RCOR1: variants seen among roughly 807,000 people sequenced by gnomAD.
The protein encoded by RCOR1 is REST corepressor.
Under a neutral mutation model 64.0 loss-of-function variants are expected in RCOR1, and 12 were observed. The observed-to-expected ratio is 0.19, with a 90% CI of 0.12 to 0.30. The LOEUF (loss-of-function observed/expected upper bound fraction) is 0.30. Among genes scored for constraint, RCOR1 ranks in the 10% least tolerant of loss-of-function variants. The pLI, the probability that RCOR1 is intolerant of heterozygous loss-of-function variation, is 1.00. For missense variants in RCOR1, 502 were observed against 621.2 expected (o/e 0.81, Z 2.04); for synonymous variants, 279 against 227.2 (o/e 1.23, Z -2.05).
intron 8 of RCOR1, among the ~76,000 whole-genome samples, chr14:102,716,022 G>T (rs1277345565): frequency 6.6e-6 from 1 of 152,158 alleles, no homozygotes; most frequent in Non-Finnish European, 1.5e-5. Flanking sequence ...GGGCAAAATT[G>T]TCCCCATTTG....
intron 2 of RCOR1, among the ~76,000 whole-genome samples, chr14:102,676,349 CCA>C (rs1398853784): frequency 8.6e-5 from 12 of 140,034 alleles, no homozygotes; most frequent in Non-Finnish European, 1.9e-4. Context: ...GCTGACCCCC[CCA>C]CCACCCTCCC....
At chr14:102,624,102 A>G (rs1893930661) in intron 2 of RCOR1, among the ~76,000 whole-genome samples, 1 of 152,054 alleles carries the variant, frequency 6.6e-6, no homozygotes, top group Non-Finnish European at 1.5e-5. Flanking sequence ...AGGCTGAGGC[A>G]GGAGAATGAC....
At chr14:102,687,861 G>A (rs1895451927) in intron 3 of RCOR1, among the ~76,000 whole-genome samples, 1 of 152,114 alleles carries the variant, frequency 6.6e-6, no homozygotes, top group African/African-American at 2.4e-5. Flanking sequence ...ACAAAGAGTT[G>A]AAGATGGTTG....
chr14:102,707,742 A>G (rs1054824954), intron 5 of RCOR1, among the ~76,000 whole-genome samples: 1 of 59,986 alleles, frequency 1.7e-5, no homozygotes, highest in East Asian at 4.1e-4. Flanking sequence ...GACCCTCCCC[A>G]CCCACCCCAG....
At chr14:102,714,715 C>CA (rs2139990485) in intron 8 of RCOR1, 98 bp downstream of exon 8, 2 of 953,370 alleles carry the variant, frequency 2.1e-6, no homozygotes, top group East Asian at 5.1e-5. Context: ...CCGCAAATCT[C>CA]AAAGGAGCAT....
chr14:102,604,710 A>G (rs940420158), intron 2 of RCOR1, among the ~76,000 whole-genome samples: 13 of 152,208 alleles, frequency 8.5e-5, no homozygotes, highest in Non-Finnish European at 7.3e-5. Context: ...TTTAAGTATT[A>G]TAAGAATTCT....
At chr14:102,725,952 A>G (rs953699846) in intron 11 of RCOR1, among the ~76,000 whole-genome samples, 2 of 152,206 alleles carry the variant, frequency 1.3e-5, no homozygotes, top group Non-Finnish European at 1.5e-5. Flanking sequence ...CTGAAACTCA[A>G]AAACACTGAT....
intron 2 of RCOR1, among the ~76,000 whole-genome samples, chr14:102,646,339 A>C (rs939289511): frequency 2.6e-5 from 4 of 152,248 alleles, no homozygotes; most frequent in African/African-American, 9.6e-5. Context: ...AGAAAAAGCC[A>C]TAACAGTCTA....
intron 2 of RCOR1, 82 bp downstream of exon 2, chr14:102,593,407 G>A (rs1893175610): frequency 2.9e-6 from 4 of 1,376,778 alleles, no homozygotes; most frequent in Admixed American, 6.6e-5. Context: ...GCGGGAGCCC[G>A]CCGACAACTT....
At chr14:102,628,370 C>A (rs1190851821) in intron 2 of RCOR1, among the ~76,000 whole-genome samples, 1 of 152,146 alleles carries the variant, frequency 6.6e-6, no homozygotes, top group Non-Finnish European at 1.5e-5. Flanking sequence ...AGAACCTTTT[C>A]TTCACTTGAC....
chr14:102,671,601 C>T (rs1895033044), intron 2 of RCOR1, among the ~76,000 whole-genome samples: 1 of 152,112 alleles, frequency 6.6e-6, no homozygotes, highest in Non-Finnish European at 1.5e-5. Flanking sequence ...CACTGTGTTG[C>T]CCAGGCTGGC....
chr14:102,607,220 A>C (rs1409158679), intron 2 of RCOR1, among the ~76,000 whole-genome samples: 1 of 152,140 alleles, frequency 6.6e-6, no homozygotes, highest in Non-Finnish European at 1.5e-5. Flanking sequence ...GGCGTGAGCC[A>C]CCGCGCCCGG....
At chr14:102,617,129 G>C (rs934942903) in intron 2 of RCOR1, among the ~76,000 whole-genome samples, 25 of 152,284 alleles carry the variant, frequency 1.6e-4, no homozygotes, top group Admixed American at 1.3e-3. Flanking sequence ...GTAAAGTGTA[G>C]GTTCTATAAA....
intron 2 of RCOR1, among the ~76,000 whole-genome samples, chr14:102,597,584 T>C (rs7147003): frequency 0.15 from 22,299 of 148,192 alleles, 2,261 homozygotes; most frequent in African/African-American, 0.28. Context: ...CCACCTTGGC[T>C]TCCCAAAGTG....
intron 2 of RCOR1, among the ~76,000 whole-genome samples, chr14:102,611,312 T>G (rs4906237): frequency 0.7 from 106,113 of 151,942 alleles, 37,133 homozygotes; most frequent in South Asian, 0.73. Flanking sequence ...CTGGTGATCC[T>G]CCCACTTTGG....
chr14:102,663,530 T>C (rs1478419246), intron 2 of RCOR1, among the ~76,000 whole-genome samples: 1 of 152,218 alleles, frequency 6.6e-6, no homozygotes, highest in African/African-American at 2.4e-5. Flanking sequence ...TATGGTGATA[T>C]TGGGAGTAAT....
intron 2 of RCOR1, among the ~76,000 whole-genome samples, chr14:102,634,497 C>G (rs964100771): frequency 2.0e-5 from 3 of 151,972 alleles, no homozygotes; most frequent in Non-Finnish European, 1.5e-5. Flanking sequence ...ATATCTGGTT[C>G]CCACTATCTA....
In RCOR1 at chr14:102,593,286, G is replaced by A; in HGVS notation, c.322G>A (p.Gly108Arg). ...EEHGGGGMRV[G>R]PQYQAVVPDF... Reference sequence around the variant, plus strand: ...CGCAGGTGGCGGTGGCATGAGGGTCGGACCCCAGTACCAGGCGGTGGTGCC... The same window carrying A: ...CGCAGGTGGCGGTGGCATGAGGGTCAGACCCCAGTACCAGGCGGTGGTGCC... The change falls in exon 2 of 12, where the codon GGA becomes AGA. Residue 108 changes from glycine to arginine, a missense_variant. By Grantham distance (125) the Gly-to-Arg change is moderately radical. Coordinates refer to ENST00000262241, the MANE Select transcript of RCOR1 (RefSeq NM_015156.4). 6.5e-7 allele frequency: 1 copy of A among 1,543,434 alleles called. No individual in the cohort carries two copies. Among genetic ancestry groups the A allele is most frequent in the Non-Finnish European group, 8.7e-7 (1 of 1,150,818 alleles).
At chr14:102,718,948 C>G (rs900892095) in intron 8 of RCOR1, among the ~76,000 whole-genome samples, 1 of 152,190 alleles carries the variant, frequency 6.6e-6, no homozygotes, top group African/African-American at 2.4e-5. Context: ...ACCACCACAC[C>G]TGGCTAATTT....
Sources: gnomAD v4.1 joint callset for allele counts (sites outside exome capture counted in the v4.1 genomes callset) on GRCh38, gnomAD v4.1.1 for gene constraint, MANE v1.5 for transcripts, NCBI Gene and HGNC (gene_info 2026-07-23, HGNC 2026-07-21) for gene names.